DGKH: variants seen among roughly 807,000 people sequenced by gnomAD.
DGKH encodes DAG kinase eta.
DGKH carries 90 observed loss-of-function variants against 159.3 expected under a neutral mutation model. The ratio of observed to expected loss-of-function variants is 0.57; its 90% CI spans 0.48 to 0.67. The LOEUF (loss-of-function observed/expected upper bound fraction) is 0.67, where lower values mean the gene tolerates loss of function less well. Ranked by LOEUF, DGKH falls within the 30% of genes least tolerant of loss-of-function variation. The pLI is 0.00. For missense variants in DGKH, 1,181 were observed against 1,506.1 expected, an observed-to-expected ratio of 0.78 and a Z score of 3.57; for synonymous variants, 536 against 553.8, an observed-to-expected ratio of 0.97 and a Z score of 0.45.
intron 5 of DGKH, 24 bp from the exon 6 acceptor site, chr13:42,159,242 C>CTGTTTTTTTTTTTTTTTT: frequency 6.3e-6 from 1 of 159,042 alleles, no homozygotes; most frequent in East Asian, 9.0e-5. Context: ...AAAGCAGTTG[C>CTGTTTTTTTTTTTTTTTT]TCTTTTTTTT....
chr13:42,138,671 T>C (rs1594078171), intron 3 of DGKH, among the ~76,000 whole-genome samples: 1 of 152,200 alleles, frequency 6.6e-6, no homozygotes, highest in Admixed American at 6.5e-5. Flanking sequence ...TGCACCCTCA[T>C]TGAAATATTT....
intron 3 of DGKH, among the ~76,000 whole-genome samples, chr13:42,135,349 A>G (rs578250136): frequency 1.3e-5 from 2 of 148,608 alleles, no homozygotes; most frequent in Non-Finnish European, 3.0e-5. Context: ...AAATGAAAAA[A>G]TTAACTGAGC....
chr13:42,159,431 T>A, intron 6 of DGKH, 59 bp downstream of exon 6: 1 of 1,183,786 alleles, frequency 8.4e-7, no homozygotes, highest in Non-Finnish European at 1.3e-6. Flanking sequence ...TGTTCTGCTC[T>A]TGTGGAAGCT....
upstream of DGKH, among the ~76,000 whole-genome samples, chr13:42,046,613 A>G (rs764290788): frequency 1.3e-5 from 2 of 152,240 alleles, no homozygotes; most frequent in Non-Finnish European, 2.9e-5. Context: ...GTTCAAATCA[A>G]AGAGTGAGAT....
rs375622314 is a variant in DGKH at position 42,051,776 on chromosome 13, CT to C, written c.192+2812del. Among the ~76,000 whole-genome samples, 481 of 150,158 alleles carry C rather than the reference CT, an allele frequency of 3.2e-3. 1 individual carries two copies. The highest frequency in any genetic ancestry group is 9.9e-3 in the African/African-American group (407 of 40,950). On this transcript the variant is annotated intron_variant, in intron 1 of 29. Transcript: ENST00000337343. ...CCAGGTTCAAGCGATTCTCCTGCCC[CT>C]GCCTCAGCCTCCCGAGTAGCTGGGA...
At chr13:42,051,350 C>A (rs1312070425) in intron 1 of DGKH, among the ~76,000 whole-genome samples, 1 of 152,190 alleles carries the variant, frequency 6.6e-6, no homozygotes, top group East Asian at 1.9e-4. Flanking sequence ...GACCAGTGAG[C>A]TTCAACCTCA....
At chr13:42,243,926 G>C (rs1408717797), downstream of DGKH, among the ~76,000 whole-genome samples, 1 of 152,192 alleles carries the variant, frequency 6.6e-6, no homozygotes, top group African/African-American at 2.4e-5. Flanking sequence ...GGTTATGAAA[G>C]AAGTTTGAGT....
Position 42,232,897 on chromosome 13 carries a change from G to A in DGKH, c.*3709G>A, listed in dbSNP as rs1402635412. On this transcript the variant is annotated 3_prime_UTR_variant, in exon 30 of 30. Transcript: ENST00000337343. ...TAATTCCGGTGACTCAGGAGGCTTA[G>A]GAGGGAAGATGGCTTCAGGCCAGGA... The A allele has an allele frequency of 6.6e-6, 1 of 152,272 alleles. No homozygotes were observed. The highest frequency in any genetic ancestry group is 1.5e-5 in the Non-Finnish European group (1 of 68,074). 9.4% of individuals were successfully genotyped at this position (152,272 alleles called of 1,614,324 possible).
chr13:42,248,117 A>C (rs1369660643), intron 29 of DGKH, among the ~76,000 whole-genome samples: 1 of 152,154 alleles, frequency 6.6e-6, no homozygotes, highest in Non-Finnish European at 1.5e-5. Flanking sequence ...CAGTCCTATA[A>C]GCTCCATTCA....
At chr13:42,204,796 T>C (rs942311230) in intron 20 of DGKH, among the ~76,000 whole-genome samples, 8 of 152,172 alleles carry the variant, frequency 5.3e-5, no homozygotes, top group Admixed American at 3.3e-4. Flanking sequence ...CACTACTGAA[T>C]AGACATTAAA....
chr13:42,078,394 A>G (rs994008461), intron 1 of DGKH, among the ~76,000 whole-genome samples: 8 of 152,210 alleles, frequency 5.3e-5, no homozygotes, highest in African/African-American at 1.7e-4. Context: ...TGGTGACTAG[A>G]TGCCGGAATA....
chr13:42,137,975 T>C, intron 3 of DGKH: 1 of 496,740 alleles, frequency 2.0e-6, no homozygotes, highest in Non-Finnish European at 2.6e-6. Context: ...AAGCTCAGTA[T>C]AACAGAGAAC....
chr13:42,050,885 G>A (rs1376677154), intron 1 of DGKH, among the ~76,000 whole-genome samples: 2 of 152,096 alleles, frequency 1.3e-5, no homozygotes, highest in East Asian at 1.9e-4. Context: ...ACAAACAAAC[G>A]TGTATGTTAC....
At chr13:42,089,830 G>A (rs1333635445) in intron 1 of DGKH, among the ~76,000 whole-genome samples, 1 of 151,990 alleles carries the variant, frequency 6.6e-6, no homozygotes, top group Non-Finnish European at 1.5e-5. Flanking sequence ...CAGGTTCTGG[G>A]GATTAGGACA....
chr13:42,070,299 T>C, intron 1 of DGKH: 1 of 1,282,324 alleles, frequency 7.8e-7, no homozygotes, highest in Non-Finnish European at 1.1e-6. Flanking sequence ...TAATGTAAAC[T>C]GGAATTACGC....
chr13:42,115,407 G>A (rs1364651473), intron 1 of DGKH, among the ~76,000 whole-genome samples: 1 of 152,024 alleles, frequency 6.6e-6, no homozygotes, highest in Non-Finnish European at 1.5e-5. Context: ...AGTCCTATAG[G>A]AGAGACCCAG....
chr13:42,125,928 A>T (rs1244739064), intron 1 of DGKH, among the ~76,000 whole-genome samples: 1 of 152,188 alleles, frequency 6.6e-6, no homozygotes. Flanking sequence ...ATGATTAAAA[A>T]TTTTGGTTCT....
intron 29 of DGKH, among the ~76,000 whole-genome samples, chr13:42,223,398 A>G (rs533205619): frequency 6.6e-6 from 1 of 152,322 alleles, no homozygotes; most frequent in South Asian, 2.1e-4. Flanking sequence ...CTTGGTACTC[A>G]GGTATTATAC....
At chr13:42,157,022 T>A (rs903519358) in intron 5 of DGKH, among the ~76,000 whole-genome samples, 8 of 152,232 alleles carry the variant, frequency 5.3e-5, no homozygotes, top group African/African-American at 1.9e-4. Flanking sequence ...ATAAAACTAC[T>A]TTTCTAGTTC....
Sources: gnomAD v4.1 joint callset for allele counts (sites outside exome capture counted in the v4.1 genomes callset) on GRCh38, gnomAD v4.1.1 for gene constraint, MANE v1.5 for transcripts, NCBI Gene and HGNC (gene_info 2026-07-23, HGNC 2026-07-21) for gene names.